PTPRG: variants seen among roughly 807,000 people sequenced by gnomAD.
PTPRG encodes the protein receptor-type tyrosine-protein phosphatase gamma.
Under a neutral mutation model 165.3 loss-of-function variants are expected in PTPRG, and 102 were observed. The observed-to-expected ratio is 0.62, with a 90% CI of 0.53 to 0.73. The LOEUF is 0.73. Among genes scored for constraint, PTPRG ranks in the 30% least tolerant of loss-of-function variants. PTPRG has a pLI of 0.00. For missense variants in PTPRG, 1,866 were observed against 1,861.4 expected (o/e 1.00, Z -0.05); for synonymous variants, 675 against 669.5 (o/e 1.01, Z -0.13).
intron 1 of PTPRG, among the ~76,000 whole-genome samples, chr3:61,568,071 T>TA (rs1400753498): frequency 2.0e-5 from 3 of 152,158 alleles, no homozygotes; most frequent in African/African-American, 7.2e-5. Flanking sequence ...TCTGTGCACT[T>TA]AAAAAATCAA....
intron 1 of PTPRG, among the ~76,000 whole-genome samples, chr3:61,700,091 G>C (rs1477721219): frequency 6.6e-6 from 1 of 152,076 alleles, no homozygotes; most frequent in Non-Finnish European, 1.5e-5. Flanking sequence ...TAGTAAATGG[G>C]TGGCTCTGAA....
intron 1 of PTPRG, among the ~76,000 whole-genome samples, chr3:61,635,025 A>G (rs1025510696): frequency 6.6e-6 from 1 of 152,202 alleles, no homozygotes; most frequent in East Asian, 1.9e-4. Context: ...GAATATATCT[A>G]AAGTCTGTAT....
Position 61,749,673 on chromosome 3 carries a change from G to C in PTPRG, c.190+691G>C, listed in dbSNP as rs1477094967. 2.6e-5 allele frequency: 4 copies of C among 153,866 alleles called. No individual in the cohort carries two copies. In the East Asian group the frequency reaches 7.7e-4, roughly 30 times the overall value. The allele number at this position is 153,866 out of a possible 1,614,324, so 9.5% of individuals were successfully genotyped here. ...ACTCCCAAAATATGAGAGGTGGATT[G>C]TTATTTCTAGAAGAGATTTTTGATG... is the stretch of plus-strand genomic sequence containing the variant. On this transcript the variant is annotated intron_variant, in intron 2 of 29. Coordinates refer to ENST00000474889, the MANE Select transcript of PTPRG (RefSeq NM_002841.4).
chr3:61,828,389 G>T (rs535309599), intron 2 of PTPRG, among the ~76,000 whole-genome samples: 2 of 152,334 alleles, frequency 1.3e-5, no homozygotes, highest in East Asian at 3.9e-4. Flanking sequence ...GGCATAGTCA[G>T]TAGCGTCTGG....
At chr3:62,208,789 A>T (rs1482474672) in intron 12 of PTPRG, among the ~76,000 whole-genome samples, 1 of 152,220 alleles carries the variant, frequency 6.6e-6, no homozygotes, top group Non-Finnish European at 1.5e-5. Context: ...CTTTAATTAC[A>T]GAAATAATAA....
intron 1 of PTPRG, among the ~76,000 whole-genome samples, chr3:61,723,066 A>C (rs774473890): frequency 6.6e-6 from 1 of 152,008 alleles, no homozygotes; most frequent in Admixed American, 6.6e-5. Context: ...GTCTAAGTCA[A>C]ATATTTAGGA....
rs184670931 is a variant in PTPRG, at chr3:62,285,282, C to T, written c.4055+2413C>T. Reference sequence around the variant, plus strand: ...TATGTACCCCTATAACAAATTGTCCCCAGAAAGCCTTGCTTTTTGTCTCAT... The same window carrying T: ...TATGTACCCCTATAACAAATTGTCCTCAGAAAGCCTTGCTTTTTGTCTCAT... On this transcript the variant is annotated intron_variant, in intron 28 of 29. Coordinates refer to ENST00000474889, the MANE Select transcript of PTPRG (RefSeq NM_002841.4). 4.0e-3 allele frequency among the ~76,000 whole-genome samples: 616 copies of T among 152,122 alleles called. 2 individuals carry two copies. The highest frequency in any genetic ancestry group is 0.034 in the Middle Eastern group (10 of 294).
chr3:61,940,079 A>C (rs1268963990), intron 2 of PTPRG, among the ~76,000 whole-genome samples: 1 of 151,104 alleles, frequency 6.6e-6, no homozygotes, highest in Admixed American at 6.6e-5. Context: ...CCTGAGTAGC[A>C]GGGATTACAG....
intron 2 of PTPRG, among the ~76,000 whole-genome samples, chr3:61,879,900 A>G (rs984410050): frequency 3.9e-5 from 6 of 152,206 alleles, no homozygotes; most frequent in Admixed American, 3.9e-4. Context: ...ATAATGAAAC[A>G]AATCAAAATT....
At chr3:62,185,206 A>G (rs1705828172) in intron 8 of PTPRG, among the ~76,000 whole-genome samples, 1 of 152,182 alleles carries the variant, frequency 6.6e-6, no homozygotes, top group Non-Finnish European at 1.5e-5. Flanking sequence ...GAGGAGCAGT[A>G]CCTTCATGCC....
chr3:61,894,292 A>C (rs2038291142), intron 2 of PTPRG, among the ~76,000 whole-genome samples: 1 of 121,200 alleles, frequency 8.3e-6, no homozygotes, highest in African/African-American at 3.1e-5. Flanking sequence ...ACAGAGCAAG[A>C]CTCTGTGTCA....
intron 14 of PTPRG, among the ~76,000 whole-genome samples, chr3:62,231,575 T>C (rs1208767814): frequency 6.6e-6 from 1 of 152,146 alleles, no homozygotes; most frequent in Non-Finnish European, 1.5e-5. Flanking sequence ...CGGGTTTGTA[T>C]GTACTGGGGG....
rs1412055668 is a variant in PTPRG at position 62,191,422 on chromosome 3, G to A, written c.1034-47G>A. On this transcript the variant is annotated intron_variant, in intron 8 of 29. Transcript: ENST00000474889. ...AGTCCTTAGGGGCACGGATTGAATGGCGCATTGTTCTGAAAGCTCCCTGAG... is the reference window on the plus strand; with the variant it reads ...AGTCCTTAGGGGCACGGATTGAATGACGCATTGTTCTGAAAGCTCCCTGAG... 5 of 1,577,966 alleles carry A rather than the reference G, an allele frequency of 3.2e-6. No homozygotes were observed. In the Admixed American group the frequency reaches 8.8e-5, roughly 28 times the overall value.
At chr3:61,909,183 G>T (rs956606278) in intron 2 of PTPRG, among the ~76,000 whole-genome samples, 1 of 152,162 alleles carries the variant, frequency 6.6e-6, no homozygotes, top group Non-Finnish European at 1.5e-5. Context: ...AAAATTCAAA[G>T]ATCAGCTACT....
chr3:62,168,508 A>G lies in PTPRG; in HGVS notation c.1033+345A>G, dbSNP rs78794530. ...ATCAGGAGCTTATCTCTGAGCTCAGACATCAGTGAAACGGGAGAGTTCCCT... is the reference window on the plus strand; with the variant it reads ...ATCAGGAGCTTATCTCTGAGCTCAGGCATCAGTGAAACGGGAGAGTTCCCT... On this transcript the variant is annotated intron_variant, in intron 8 of 29. Transcript: ENST00000474889. Among the ~76,000 whole-genome samples, 901 of 152,336 alleles carry G rather than the reference A, an allele frequency of 5.9e-3. 8 individuals carry two copies. Among genetic ancestry groups the G allele is most frequent in the Middle Eastern group, 0.031 (9 of 294 alleles).
In PTPRG at chr3:62,210,931, CA is replaced by C; in HGVS notation, c.2155+6985del. On this transcript the variant is annotated intron_variant, in intron 12 of 29. Transcript: ENST00000474889. The surrounding 1 kb of genome is among the most constrained non-coding windows in gnomAD (Gnocchi z 4.1). ...ATTAGCAGGAAAGCTTTTGGAGACT[CA>C]AAAGTTATACATGAATTTCTGACTA... is the stretch of plus-strand genomic sequence containing the variant. Among the ~76,000 whole-genome samples the C allele has an allele frequency of 6.6e-6, 1 of 152,270 alleles. No individual in the cohort carries two copies. Among genetic ancestry groups the C allele is most frequent in the African/African-American group, 2.4e-5 (1 of 41,538 alleles).
At chr3:61,917,637 A>C (rs574526463) in intron 2 of PTPRG, among the ~76,000 whole-genome samples, 2 of 152,306 alleles carry the variant, frequency 1.3e-5, no homozygotes, top group Middle Eastern at 3.4e-3. Flanking sequence ...TTTCAGAAGA[A>C]TCCAAGCAAA....
At chr3:61,834,060 G>A (rs888100917) in intron 2 of PTPRG, among the ~76,000 whole-genome samples, 3 of 152,116 alleles carry the variant, frequency 2.0e-5, no homozygotes, top group African/African-American at 7.2e-5. Context: ...GCTTTTCTTG[G>A]GAAGTAAACA....
At chr3:61,643,159 G>T (rs1017390418) in intron 1 of PTPRG, among the ~76,000 whole-genome samples, 7 of 152,178 alleles carry the variant, frequency 4.6e-5, no homozygotes, top group African/African-American at 1.7e-4. Flanking sequence ...ACATATCCAT[G>T]AAAGTCTGTA....
Sources: gnomAD v4.1 joint callset for allele counts (sites outside exome capture counted in the v4.1 genomes callset) on GRCh38, gnomAD v4.1.1 for gene constraint, Gnocchi (gnomAD v3.1) non-coding constraint, MANE v1.5 for transcripts, NCBI Gene and HGNC (gene_info 2026-07-23, HGNC 2026-07-21) for gene names.